The following EVI5L variants were observed in gnomAD, a reference collection of about 807,000 sequenced individuals.
EVI5L encodes ecotropic viral integration site 5 like, also known as EVI5-like protein.
Under a neutral mutation model 106.1 loss-of-function variants are expected in EVI5L, and 30 were observed. That is an observed-to-expected ratio of 0.28 (90% CI 0.21 to 0.38). The LOEUF (loss-of-function observed/expected upper bound fraction) is 0.38, where lower values mean the gene tolerates loss of function less well. EVI5L is among the 10% of genes least tolerant of loss of function. EVI5L has a pLI of 1.00. For missense variants in EVI5L, 809 were observed against 1,098.0 expected (o/e 0.74, Z 3.72); for synonymous variants, 489 against 483.3 (o/e 1.01, Z -0.15).
Position 7,843,429 on chromosome 19 carries a change from CGA to C in EVI5L, c.-47-3063_-47-3062del, listed in dbSNP as rs1301431244. On this transcript the variant is annotated intron_variant, in intron 1 of 19. Transcript: ENST00000538904. ...AGTGTGAGAATAGGCATGGGTGTGT[CGA>C]GAGTGTGTGTGTATGGGTGTGTGAG... 1.1e-3 allele frequency among the ~76,000 whole-genome samples: 30 copies of C among 28,040 alleles called. 1 individual carries two copies. Among genetic ancestry groups the C allele is most frequent in the Middle Eastern group, 0.031 (1 of 32 alleles). 18.4% of individuals were successfully genotyped at this position (28,040 alleles called of 152,430 possible).
chr19:7,846,179 C>G (rs1355492153), intron 1 of EVI5L, among the ~76,000 whole-genome samples: 1 of 152,336 alleles, frequency 6.6e-6, no homozygotes, highest in Admixed American at 6.5e-5. Flanking sequence ...GGGCCCTGCT[C>G]CAGCCTCAGG....
At position 7,862,033 on chromosome 19, in the gene EVI5L, G is replaced by T; in HGVS notation, c.1644+15G>T. ...ACACCTGGCAGGTGAGGGCCGGGTGGGCGCCGGCGGGCAGAGCGCCCCCTA... is the reference window on the plus strand; with the variant it reads ...ACACCTGGCAGGTGAGGGCCGGGTGTGCGCCGGCGGGCAGAGCGCCCCCTA... On this transcript the variant is annotated intron_variant, in intron 15 of 19. Coordinates refer to ENST00000538904, the MANE Select transcript of EVI5L (RefSeq NM_001159944.3). 6.5e-7 allele frequency: 1 copy of T among 1,541,000 alleles called. No homozygotes were observed.
At chr19:7,854,440 C>T (rs1979431247) in intron 10 of EVI5L, among the ~76,000 whole-genome samples, 1 of 152,112 alleles carries the variant, frequency 6.6e-6, no homozygotes, top group Non-Finnish European at 1.5e-5. Flanking sequence ...GGCAGAGCCG[C>T]ACAGTGGCTA....
At chr19:7,832,316 T>G (rs1191461999) in intron 1 of EVI5L, among the ~76,000 whole-genome samples, 1 of 152,178 alleles carries the variant, frequency 6.6e-6, no homozygotes, top group East Asian at 1.9e-4. Context: ...GCCGGTCCAG[T>G]CCCGCGCAGC....
chr19:7,844,248 C>A (rs1340753031), intron 1 of EVI5L, among the ~76,000 whole-genome samples: 1 of 149,724 alleles, frequency 6.7e-6, no homozygotes, highest in Non-Finnish European at 1.5e-5. Flanking sequence ...AGGAGAATCG[C>A]GTGAACCCGG....
rs1979993391 is a variant in EVI5L at position 7,863,924 on chromosome 19, C to T, written c.*222C>T. ...TCTATCCCCAGCAGTGTTTACCCAT[C>T]TTGGTCTGTACCCCTCCGGGCCCTC... is the stretch of plus-strand genomic sequence containing the variant. On this transcript the variant is annotated 3_prime_UTR_variant, in exon 20 of 20. Coordinates refer to ENST00000538904, the MANE Select transcript of EVI5L (RefSeq NM_001159944.3). The surrounding 1 kb of genome is among the most constrained non-coding windows in gnomAD (Gnocchi z 7.7). The T allele has an allele frequency of 3.3e-6, 2 of 598,944 alleles. No individual in the cohort carries two copies. Among genetic ancestry groups the T allele is most frequent in the Admixed American group, 3.8e-5 (1 of 26,328 alleles). The allele number at this position is 598,944 out of a possible 1,614,324, so 37.1% of individuals were successfully genotyped here. A position where few individuals can be genotyped will look rare whatever the true frequency, so the allele number is the denominator to read the frequency against.
chr19:7,853,702 G>C (rs1979379443), intron 10 of EVI5L: 2 of 327,498 alleles, frequency 6.1e-6, no homozygotes, highest in African/African-American at 4.3e-5. Flanking sequence ...AGGGTGTCGA[G>C]GGCTAAAGGC....
intron 17 of EVI5L, among the ~76,000 whole-genome samples, chr19:7,862,738 C>CCT (rs1979892803): frequency 1.3e-5 from 1 of 79,530 alleles, no homozygotes; most frequent in Non-Finnish European, 2.7e-5. Flanking sequence ...CGCCTCCTGA[C>CCT]CACCCCCCCC....
intron 5 of EVI5L, 25 bp downstream of exon 5, chr19:7,849,355 C>T: frequency 4.3e-6 from 7 of 1,612,610 alleles, no homozygotes; most frequent in Non-Finnish European, 5.9e-6. Flanking sequence ...GGTGGCTGGG[C>T]TCCTGCCAGA....
chr19:7,834,628 C>T (rs748927668), intron 1 of EVI5L, among the ~76,000 whole-genome samples: 1 of 152,148 alleles, frequency 6.6e-6, no homozygotes, highest in African/African-American at 2.4e-5. Context: ...ATTTATCCCA[C>T]AAATATGGGA....
intron 13 of EVI5L, 49 bp from the exon 14 acceptor site, chr19:7,860,512 A>G (rs1979747166): frequency 1.3e-6 from 2 of 1,496,528 alleles, no homozygotes; most frequent in Non-Finnish European, 1.8e-6. Context: ...GAGGCTGCCC[A>G]TCCCCCAGCC....
At position 7,849,408 on chromosome 19, in the gene EVI5L, G is replaced by A. The variant is rs2062503431; in HGVS notation, c.627+78G>A. On this transcript the variant is annotated intron_variant, in intron 5 of 19. Transcript: ENST00000538904. ...CTCGGCCCCCAAGAGATGGACAGAA[G>A]TGGCGTGTCCTCCACCCAGCGTCTT... 3 of 1,495,668 alleles carry A rather than the reference G, an allele frequency of 2.0e-6. No homozygotes were observed. The Admixed American group carries it at 5.2e-5, about 26-fold the overall frequency. 92.6% of individuals were successfully genotyped at this position (1,495,668 alleles called of 1,614,324 possible). A position where few individuals can be genotyped will look rare whatever the true frequency, so the allele number is the denominator to read the frequency against.
At chr19:7,843,038 GAAT>G (rs1170251451) in intron 1 of EVI5L, among the ~76,000 whole-genome samples, 2 of 151,202 alleles carry the variant, frequency 1.3e-5, no homozygotes, top group Non-Finnish European at 3.0e-5. Context: ...GTGTGTGAGA[GAAT>G]AGGCATGGCT....
At position 7,856,922 on chromosome 19, in the gene EVI5L, C is replaced by T. The variant is rs540063895; in HGVS notation, c.1201-170C>T. 9.5e-5 allele frequency: 72 copies of T among 756,014 alleles called. No homozygotes were observed. Among genetic ancestry groups the T allele is most frequent in the Admixed American group, 6.4e-4 (32 of 50,036 alleles). The allele number at this position is 756,014 out of a possible 1,614,324, so 46.8% of individuals were successfully genotyped here. On this transcript the variant is annotated intron_variant, in intron 11 of 19. Coordinates refer to ENST00000538904, the MANE Select transcript of EVI5L (RefSeq NM_001159944.3). The surrounding 1 kb of genome is among the most constrained non-coding windows in gnomAD (Gnocchi z 6.6). ...GGAGCTGGCTCTAGCTTTGGTCTTC[C>T]TCCGGGTCCTCTCCTGCTGGTTCTC...
intron 5 of EVI5L, 46 bp downstream of exon 5, chr19:7,849,376 C>G: frequency 1.2e-6 from 2 of 1,601,068 alleles, no homozygotes; most frequent in Non-Finnish European, 1.7e-6. Context: ...CAACAGCCCA[C>G]CCTGGGCTCG....
At position 7,851,753 on chromosome 19, in the gene EVI5L, A is replaced by G. The variant is rs374688073; in HGVS notation, c.970A>G (p.Met324Val). Residue 324 changes from methionine (M) to valine (V), a missense_variant, in exon 8 of 20, where the codon ATG becomes GTG. Coordinates refer to ENST00000538904, the MANE Select transcript of EVI5L (RefSeq NM_001159944.3). ...CCAGGCAGAGCTGATGCAGCTGGAC[A>G]TGGAGGGGATGTCCCAGGTGGGCCG... Reference protein sequence around the residue: ...VNQAELMQLDMEGMSQYFQRV... With the variant: ...VNQAELMQLDVEGMSQYFQRV... 4 of 1,504,724 alleles carry G rather than the reference A, an allele frequency of 2.7e-6. No individual in the cohort carries two copies. The highest frequency in any genetic ancestry group is 3.5e-6 in the Non-Finnish European group (4 of 1,129,104). 93.2% of individuals were successfully genotyped at this position (1,504,724 alleles called of 1,614,324 possible).
intron 10 of EVI5L, chr19:7,853,581 G>T (rs1313814655): frequency 3.4e-6 from 2 of 582,508 alleles, no homozygotes; most frequent in Non-Finnish European, 6.1e-6. Context: ...GCCGCCCAGC[G>T]TCATGGGGAA....
chr19:7,833,715 C>T (rs1978306994), intron 1 of EVI5L, among the ~76,000 whole-genome samples: 1 of 152,178 alleles, frequency 6.6e-6, no homozygotes, highest in African/African-American at 2.4e-5. Context: ...TACTACAAGC[C>T]CTTGTGTCCC....
chr19:7,850,517 A>G lies in EVI5L; in HGVS notation c.753+395A>G, dbSNP rs907171152. 1.3e-5 allele frequency among the ~76,000 whole-genome samples: 2 copies of G among 152,110 alleles called. No individual in the cohort carries two copies. The highest frequency in any genetic ancestry group is 4.8e-5 in the African/African-American group (2 of 41,432). ...GGAGAGCCGCAGACGTCTGTTTATA[A>G]ATAGCAGCCCCCGCAGGGCCTGCTC... On this transcript the variant is annotated intron_variant, in intron 6 of 19. Transcript: ENST00000538904. This position sits in a 1 kb window ranked among gnomAD's most constrained non-coding sequence, Gnocchi z 5.4.
Sources: allele counts gnomAD v4.1 joint callset (sites outside exome capture counted in the v4.1 genomes callset), GRCh38; gene constraint gnomAD v4.1.1; non-coding constraint Gnocchi (gnomAD v3.1); transcripts MANE v1.5; gene names NCBI Gene and HGNC (gene_info 2026-07-23, HGNC 2026-07-21).